Variants in TMCO1 observed in about 807,000 individuals in gnomAD.
The protein encoded by TMCO1 is transmembrane and coiled-coil domains 1.
A neutral mutation model predicts 29.3 loss-of-function variants in TMCO1; 29 were observed. The observed-to-expected ratio is 0.99, with a 90% confidence interval of 0.74 to 1.35. The LOEUF (loss-of-function observed/expected upper bound fraction) is 1.35, where lower values mean the gene tolerates loss of function less well. TMCO1 is among the 40% of genes most tolerant of loss of function. The pLI is 0.00. For synonymous variants in TMCO1, 80 were observed against 77.1 expected (o/e 1.04, Z -0.20); for missense variants, 173 against 225.5 (o/e 0.77, Z 1.49).
chr1:165,766,265 G>C (rs192904393), intron 2 of TMCO1, among the ~76,000 whole-genome samples: 47 of 152,134 alleles, frequency 3.1e-4, no homozygotes, highest in Non-Finnish European at 5.9e-4. Flanking sequence ...GGACGTGTTG[G>C]GACTGAGCTG....
intron 3 of TMCO1, among the ~76,000 whole-genome samples, chr1:165,756,234 G>T (rs1197723854): frequency 6.6e-6 from 1 of 152,114 alleles, no homozygotes; most frequent in Non-Finnish European, 1.5e-5. Context: ...CAAGCATCTG[G>T]AGCAGATATT....
chr1:165,731,089 C>T (rs1422533654), intron 6 of TMCO1, among the ~76,000 whole-genome samples: 2 of 151,866 alleles, frequency 1.3e-5, no homozygotes, highest in East Asian at 1.9e-4. Flanking sequence ...TTAGTAGAGA[C>T]GGGGTATCAC....
intron 6 of TMCO1, among the ~76,000 whole-genome samples, chr1:165,734,499 ATTCT>A (rs1334322057): frequency 2.6e-5 from 4 of 151,928 alleles, no homozygotes; most frequent in Non-Finnish European, 5.9e-5. Flanking sequence ...ATAAATTTCT[ATTCT>A]TTTTTATTTT....
intron 5 of TMCO1, among the ~76,000 whole-genome samples, chr1:165,749,424 C>T (rs1485808194): frequency 3.3e-5 from 5 of 152,176 alleles, no homozygotes; most frequent in Non-Finnish European, 7.3e-5. Context: ...TATTCAACTA[C>T]GTGATATTGA....
intron 6 of TMCO1, among the ~76,000 whole-genome samples, chr1:165,729,304 TTTG>T (rs1651038701): frequency 2.1e-5 from 3 of 144,916 alleles, no homozygotes; most frequent in South Asian, 2.3e-4. Flanking sequence ...AAAAACATAC[TTTG>T]TTCTCATAAT....
intron 2 of TMCO1, among the ~76,000 whole-genome samples, chr1:165,759,869 T>C (rs1652335566): frequency 6.6e-6 from 1 of 152,216 alleles, no homozygotes; most frequent in African/African-American, 2.4e-5. Context: ...CTGAGGATGA[T>C]TACCTTAGCT....
downstream of TMCO1, chr1:165,724,463 AG>A (rs1650769575): frequency 2.2e-6 from 1 of 454,032 alleles, no homozygotes; most frequent in African/African-American, 2.0e-5. Context: ...GTAAGAGGGC[AG>A]AGAGATGCTG....
At chr1:165,749,903 A>G (rs1651935940) in intron 5 of TMCO1, among the ~76,000 whole-genome samples, 1 of 152,126 alleles carries the variant, frequency 6.6e-6, no homozygotes. Context: ...AGGAACTTAA[A>G]ACTGGAAAAA....
At chr1:165,762,979 A>G (rs1160471653) in intron 2 of TMCO1, among the ~76,000 whole-genome samples, 1 of 152,222 alleles carries the variant, frequency 6.6e-6, no homozygotes, top group African/African-American at 2.4e-5. Context: ...CTATAAGCCC[A>G]GTGACCACCT....
At chr1:165,760,326 G>A (rs571550572) in intron 2 of TMCO1, among the ~76,000 whole-genome samples, 1 of 151,928 alleles carries the variant, frequency 6.6e-6, no homozygotes, top group African/African-American at 2.4e-5. Flanking sequence ...AGCTACTTGG[G>A]AAGCTGAGGC....
chr1:165,745,474 C>CAA (rs570579214), intron 5 of TMCO1, among the ~76,000 whole-genome samples: 1 of 101,300 alleles, frequency 9.9e-6, no homozygotes, highest in African/African-American at 3.9e-5. Flanking sequence ...CTATCTCTAC[C>CAA]AAAAAAAAAA....
intron 6 of TMCO1, among the ~76,000 whole-genome samples, chr1:165,729,982 C>G (rs1014630985): frequency 6.6e-6 from 1 of 151,946 alleles, no homozygotes; most frequent in African/African-American, 2.4e-5. Context: ...CATACACACC[C>G]TCAATCCTTC....
downstream of TMCO1, chr1:165,725,398 T>C (rs1361647558): frequency 2.2e-5 from 10 of 453,998 alleles, no homozygotes. Flanking sequence ...TATGAATATC[T>C]ACACACATTT....
chr1:165,742,108 A>T (rs80116409), intron 6 of TMCO1, among the ~76,000 whole-genome samples: 5,618 of 152,334 alleles, frequency 0.037, 331 homozygotes, highest in African/African-American at 0.13. Flanking sequence ...AGAAAAAGAG[A>T]ATCACTTGTG....
intron 5 of TMCO1, among the ~76,000 whole-genome samples, chr1:165,746,458 C>CACACACACACAA (rs756307734): frequency 2.1e-5 from 3 of 143,198 alleles, no homozygotes; most frequent in Non-Finnish European, 4.6e-5. Context: ...CTATATCACA[C>CACACACACACAA]ACACACACAC....
rs746690961 is a variant in TMCO1 at position 165,745,765 on chromosome 1, G to A, written c.324-2454C>T. 8.7e-4 allele frequency among the ~76,000 whole-genome samples: 132 copies of A among 152,222 alleles called. No homozygotes were observed. The Middle Eastern group carries it at 0.02, about 24-fold the overall frequency. The stretch of plus-strand genomic sequence containing the variant: ...TTTCATATGCCAGTTTATAAAAATA[G>A]ATGTACAGCCTTTAACTTCTAGGTG... On this transcript the variant is annotated intron_variant, in intron 5 of 6. Transcript: ENST00000367881.
intron 6 of TMCO1, among the ~76,000 whole-genome samples, chr1:165,730,158 A>G (rs2101785572): frequency 8.2e-6 from 1 of 122,542 alleles, no homozygotes; most frequent in Non-Finnish European, 1.7e-5. Flanking sequence ...CGTCTGTACT[A>G]AAAATACACA....
rs191729311 is a variant in TMCO1 at position 165,759,066 on chromosome 1, C to T, written c.208+459G>A. ...CTAAGTTATACTAAAAAACTAAAAA[C>T]ACATGATATGGTCATTATTTCTCCA... On this transcript the variant is annotated intron_variant, in intron 3 of 6. Coordinates refer to ENST00000367881, the MANE Select transcript of TMCO1 (RefSeq NM_019026.6). Among the ~76,000 whole-genome samples the T allele has an allele frequency of 9.9e-5, 15 of 152,220 alleles. No individual in the cohort carries two copies. In the East Asian group the frequency reaches 2.9e-3, roughly 29 times the overall value.
chr1:165,729,602 G>A (rs960450849), intron 6 of TMCO1, among the ~76,000 whole-genome samples: 2 of 152,154 alleles, frequency 1.3e-5, no homozygotes, highest in Non-Finnish European at 2.9e-5. Context: ...TTACAGGCAT[G>A]AGCCACTGCG....
Sources: allele counts gnomAD v4.1 joint callset (sites outside exome capture counted in the v4.1 genomes callset), GRCh38; gene constraint gnomAD v4.1.1; transcripts MANE v1.5; gene names NCBI Gene and HGNC (gene_info 2026-07-23, HGNC 2026-07-21).